WRN: variants seen among roughly 807,000 people sequenced by gnomAD.
WRN encodes the protein bifunctional 3'-5' exonuclease/ATP-dependent helicase WRN.
A neutral mutation model predicts 180.7 loss-of-function variants in WRN; 149 were observed. That is an observed-to-expected ratio of 0.82 (90% CI 0.72 to 0.94). The LOEUF is 0.94. Among genes scored for constraint, WRN ranks in the 40% least tolerant of loss-of-function variants. The probability of loss-of-function intolerance (pLI) is 0.00; values close to 1 mark genes in which losing one functional copy is unlikely to be tolerated. For missense variants in WRN, 1,661 were observed against 1,700.1 expected (o/e 0.98, Z 0.40); for synonymous variants, 548 against 568.9 (o/e 0.96, Z 0.52).
intron 7 of WRN, among the ~76,000 whole-genome samples, chr8:31,072,811 A>G (rs1398645510): frequency 6.6e-6 from 1 of 152,242 alleles, no homozygotes; most frequent in Non-Finnish European, 1.5e-5. Context: ...CAAACCAAGC[A>G]AACCATGCCC....
At chr8:31,080,346 A>G (rs928201610) in intron 8 of WRN, among the ~76,000 whole-genome samples, 1 of 152,164 alleles carries the variant, frequency 6.6e-6, no homozygotes. Flanking sequence ...ATTCTTTAAG[A>G]CAGAGTGAAA....
At position 31,141,467 on chromosome 8, in the gene WRN, G is replaced by A; in HGVS notation, c.3005G>A (p.Ser1002Asn). ...CTTGCCGATCAATATCGCAGGCACA[G>A]TTTATTTGGCACTGGCAAGGATCAA... The part of the protein sequence containing the change: ...QRLADQYRRH[S>N]LFGTGKDQTE... The change falls in exon 25 of 35, where the codon AGT (serine) becomes AAT (asparagine). Residue 1002 changes from serine to asparagine, a missense_variant. By Grantham distance (46) the Ser-to-Asn change is conservative. Coordinates refer to ENST00000298139, the MANE Select transcript of WRN (RefSeq NM_000553.6). 6.2e-7 allele frequency: 1 copy of A among 1,614,066 alleles called. No homozygotes were observed. Among genetic ancestry groups the A allele is most frequent in the Non-Finnish European group, 8.5e-7 (1 of 1,180,030 alleles).
chr8:31,037,100 A>G (rs1415655330), intron 1 of WRN, among the ~76,000 whole-genome samples: 1 of 152,224 alleles, frequency 6.6e-6, no homozygotes, highest in African/African-American at 2.4e-5. Context: ...TAATTATACA[A>G]TTCACCATAA....
rs772878394 is a variant in WRN at position 31,172,977 on chromosome 8, T to C, written c.4192-18T>C. ...GTAGTACAAAGATTTGATTTCTTTTTCTTTCTATTTCCTACAGACTTCATC... is the reference window on the plus strand; with the variant it reads ...GTAGTACAAAGATTTGATTTCTTTTCCTTTCTATTTCCTACAGACTTCATC... On this transcript the variant is annotated intron_variant, in intron 34 of 34. Coordinates refer to ENST00000298139, the MANE Select transcript of WRN (RefSeq NM_000553.6). The C allele has an allele frequency of 3.7e-6, 6 of 1,611,796 alleles. No individual in the cohort carries two copies. Among genetic ancestry groups the C allele is most frequent in the African/African-American group, 2.7e-5 (2 of 74,874 alleles).
intron 23 of WRN, among the ~76,000 whole-genome samples, chr8:31,128,984 T>A (rs201709747): frequency 6.7e-6 from 1 of 150,162 alleles, no homozygotes; most frequent in Non-Finnish European, 1.5e-5. Context: ...TATTTTTTTT[T>A]ATTTTTTTGA....
intron 1 of WRN, among the ~76,000 whole-genome samples, chr8:31,047,111 C>T (rs981940570): frequency 6.7e-6 from 1 of 148,570 alleles, no homozygotes. Flanking sequence ...AAAATTTATG[C>T]GTTTCTCTTT....
At chr8:31,154,874 C>G in intron 32 of WRN, 119 bp downstream of exon 32, 1 of 1,247,940 alleles carries the variant, frequency 8.0e-7, no homozygotes. Context: ...TACAATAAAT[C>G]TCAGTTTATC....
At chr8:31,064,183 A>G (rs1812603800) in intron 3 of WRN, 106 bp from the exon 4 acceptor site, 3 of 1,278,414 alleles carry the variant, frequency 2.3e-6, no homozygotes, top group Non-Finnish European at 3.3e-6. Flanking sequence ...GCTCCAGATA[A>G]CTTGAACAGT....
rs745905108 is a variant in WRN, at chr8:31,142,635, TG to T, written c.3244del (p.Val1082TyrfsTer17). On this transcript the variant is annotated frameshift_variant, in exon 27 of 35. Transcript: ENST00000298139. LOFTEE classifies it high-confidence loss of function. Reference protein sequence around the residue: ...KKLLLPSSKTVSSGTKEHCYN... With the variant: ...KKLLLPSSKTXSSGTKEHCYN... ...TTTTATTATTTTTTAGTTCGAAAAC[TG>T]TATCTTCGGGCACCAAAGAGCATTG... 1 of 1,598,592 alleles carries T rather than the reference TG, an allele frequency of 6.3e-7. No individual in the cohort carries two copies. The highest frequency in any genetic ancestry group is 2.2e-5 in the East Asian group (1 of 44,496).
chr8:31,094,914 T>C (rs1813894841), intron 16 of WRN, among the ~76,000 whole-genome samples: 1 of 152,220 alleles, frequency 6.6e-6, no homozygotes, highest in Non-Finnish European at 1.5e-5. Flanking sequence ...TGAATAATGA[T>C]GCTGTGAACA....
rs72226104 is a variant in WRN, at chr8:31,049,210, CAAAAAAAAAA to C, written c.-76-9144_-76-9135del. On this transcript the variant is annotated intron_variant, in intron 1 of 34. Transcript: ENST00000298139. Reference sequence around the variant, plus strand: ...TGGGCGACAGTGCGAGACTCTGTCTCAAAAAAAAAAAAAAAAAAAAAAAAAAAGAAAGAAA... The same window carrying C: ...TGGGCGACAGTGCGAGACTCTGTCTCAAAAAAAAAAAAAAAAAGAAAGAAA... Among the ~76,000 whole-genome samples the C allele has an allele frequency of 2.5e-4, 8 of 31,780 alleles. 1 individual carries two copies. The highest frequency in any genetic ancestry group is 7.2e-4 in the African/African-American group (5 of 6,912). 20.8% of individuals were successfully genotyped at this position (31,780 alleles called of 152,430 possible). A position where few individuals can be genotyped will look rare whatever the true frequency, so the allele number is the denominator to read the frequency against.
In WRN at chr8:31,111,777, C is replaced by T. The variant is rs2130284733; in HGVS notation, c.2251C>T (p.Gln751Ter). 6.2e-7 allele frequency: 1 copy of T among 1,613,516 alleles called. No individual in the cohort carries two copies. The highest frequency in any genetic ancestry group is 8.5e-7 in the Non-Finnish European group (1 of 1,179,876). Residue 751 changes from glutamine to a stop codon, truncating the protein, a stop_gained, in exon 19 of 35, where the codon CAG becomes TAG. Transcript: ENST00000298139. LOFTEE classifies it high-confidence loss of function. ...AACAGGGAATATCCTTCAGGATCTG[C>T]AGCCATTTCTTGTCAAAACAAGGTA... ...RKTGNILQDLQPFLVKTSSHW... is the reference protein window; with the variant it reads ...RKTGNILQDL
At chr8:31,137,841 G>A (rs1802458245) in intron 24 of WRN, among the ~76,000 whole-genome samples, 1 of 147,786 alleles carries the variant, frequency 6.8e-6, no homozygotes, top group South Asian at 2.1e-4. Flanking sequence ...ATTTATGCCT[G>A]TAATCCCAGC....
intron 31 of WRN, among the ~76,000 whole-genome samples, chr8:31,154,110 AT>A (rs1803266762): frequency 6.6e-6 from 1 of 151,800 alleles, no homozygotes; most frequent in African/African-American, 2.4e-5. Flanking sequence ...TCTTTTAAAC[AT>A]TTCTTAAGGA....
At chr8:31,140,003 GTTTTTTTTTTT>G (rs71539917) in intron 24 of WRN, among the ~76,000 whole-genome samples, 38 of 62,102 alleles carry the variant, frequency 6.1e-4, no homozygotes, top group East Asian at 2.4e-3. Context: ...ATACTTCTTT[GTTTTTTTTTTT>G]TTTTTTTTTT....
chr8:31,062,009 A>G (rs566469278), intron 3 of WRN, among the ~76,000 whole-genome samples: 1 of 152,210 alleles, frequency 6.6e-6, no homozygotes, highest in East Asian at 1.9e-4. Context: ...TTCAGCTTCC[A>G]GGGCTCTGAA....
At chr8:31,104,347 C>T (rs1251892458) in intron 18 of WRN, among the ~76,000 whole-genome samples, 4 of 152,132 alleles carry the variant, frequency 2.6e-5, no homozygotes, top group African/African-American at 9.7e-5. Flanking sequence ...TAATTTGCCT[C>T]TGGTGAAATT....
At chr8:31,151,580 G>A (rs116207460) in intron 31 of WRN, among the ~76,000 whole-genome samples, 1,886 of 152,104 alleles carry the variant, frequency 0.012, 42 homozygotes, top group African/African-American at 0.043. Context: ...ACCTACCAGC[G>A]GTAATTGAGT....
chr8:31,039,998 A>G (rs1811588316), intron 1 of WRN, among the ~76,000 whole-genome samples: 1 of 152,208 alleles, frequency 6.6e-6, no homozygotes, highest in Non-Finnish European at 1.5e-5. Flanking sequence ...GGTAAAAGGT[A>G]ATATGGCTTG....
Sources: gnomAD v4.1 joint callset for allele counts (sites outside exome capture counted in the v4.1 genomes callset) on GRCh38, gnomAD v4.1.1 for gene constraint, MANE v1.5 for transcripts, NCBI Gene and HGNC (gene_info 2026-07-23, HGNC 2026-07-21) for gene names.